GRIA4: variants seen among roughly 807,000 people sequenced by gnomAD.
The protein encoded by GRIA4 is glutamate ionotropic receptor AMPA type subunit 4.
A neutral mutation model predicts 104.0 loss-of-function variants in GRIA4; 34 were observed. The observed-to-expected ratio is 0.33, with a 90% CI of 0.25 to 0.44. GRIA4 has a LOEUF of 0.44. GRIA4 is among the 20% of genes least tolerant of loss of function. The pLI is 1.00. For synonymous variants in GRIA4, 386 were observed against 381.9 expected (o/e 1.01, Z -0.13); for missense variants, 750 against 1,096.5 (o/e 0.68, Z 4.46).
intron 3 of GRIA4, among the ~76,000 whole-genome samples, chr11:105,663,418 G>C (rs1952072509): frequency 6.6e-6 from 1 of 151,844 alleles, no homozygotes; most frequent in South Asian, 2.1e-4. Flanking sequence ...AGATAAGTAA[G>C]GCACAGTCAT....
intron 3 of GRIA4, among the ~76,000 whole-genome samples, chr11:105,625,190 A>G (rs1950855190): frequency 6.6e-6 from 1 of 152,092 alleles, no homozygotes; most frequent in Non-Finnish European, 1.5e-5. Context: ...TTAGACTGTG[A>G]CTTCCGTGAC....
intron 16 of GRIA4, 142 bp downstream of exon 16, chr11:105,974,586 G>C (rs369354479): frequency 5.4e-5 from 87 of 1,600,366 alleles, no homozygotes; most frequent in Non-Finnish European, 7.3e-5. Flanking sequence ...TACAGTGAGT[G>C]GGGGATGCAT....
intron 4 of GRIA4, among the ~76,000 whole-genome samples, chr11:105,806,251 G>A (rs1009067798): frequency 1.3e-5 from 2 of 151,762 alleles, no homozygotes; most frequent in African/African-American, 4.8e-5. Flanking sequence ...ATGGGAATAG[G>A]AGAACAAAAT....
chr11:105,817,969 T>C (rs1025885194), intron 4 of GRIA4, among the ~76,000 whole-genome samples: 21 of 151,774 alleles, frequency 1.4e-4, no homozygotes, highest in African/African-American at 4.8e-4. Flanking sequence ...AGAGCAGAGA[T>C]AAAAATGCTG....
At chr11:105,956,112 A>G (rs678702) in intron 14 of GRIA4, among the ~76,000 whole-genome samples, 152,106 of 152,310 alleles carry the variant, frequency 1, 75,951 homozygotes, top group Middle Eastern at 1. Context: ...CTGTGCAGAA[A>G]CTCTTTTTTT....
Position 105,847,151 on chromosome 11 carries a change from G to T in GRIA4, c.488-14873G>T, listed in dbSNP as rs191505398. ...GAAGACAATTTTTCCAGGAAAATTG[G>T]GGGGATGAAACTGTTCCACCTCAGA... On this transcript the variant is annotated intron_variant, in intron 4 of 16. Transcript: ENST00000282499. Among the ~76,000 whole-genome samples, 458 of 151,764 alleles carry T rather than the reference G, an allele frequency of 3.0e-3. 3 individuals carry two copies. Among genetic ancestry groups the T allele is most frequent in the African/African-American group, 0.01 (430 of 41,294 alleles).
chr11:105,718,768 C>A (rs947649472), intron 3 of GRIA4, among the ~76,000 whole-genome samples: 1 of 152,116 alleles, frequency 6.6e-6, no homozygotes, highest in Admixed American at 6.6e-5. Flanking sequence ...AGAGGGAATG[C>A]ACGCATGATT....
chr11:105,824,819 C>T (rs561637726), intron 4 of GRIA4: 2 of 152,122 alleles, frequency 1.3e-5, no homozygotes, highest in Non-Finnish European at 2.9e-5. Flanking sequence ...AATCTACAGC[C>T]GGAGATACTT....
chr11:105,701,367 T>TA (rs1297353205), intron 3 of GRIA4, among the ~76,000 whole-genome samples: 1 of 152,208 alleles, frequency 6.6e-6, no homozygotes, highest in African/African-American at 2.4e-5. Flanking sequence ...ATTAAGATGA[T>TA]ATGGGATAGG....
At chr11:105,742,028 C>T (rs1438249001) in intron 3 of GRIA4, among the ~76,000 whole-genome samples, 1 of 151,990 alleles carries the variant, frequency 6.6e-6, no homozygotes, top group Admixed American at 6.6e-5. Context: ...ATTCACTTTG[C>T]TTGTTGTGTT....
chr11:105,647,810 G>C (rs1016841486), intron 3 of GRIA4, among the ~76,000 whole-genome samples: 1 of 151,958 alleles, frequency 6.6e-6, no homozygotes, highest in Non-Finnish European at 1.5e-5. Flanking sequence ...CAGTGTAGGA[G>C]GAGGAAGAGG....
At chr11:105,846,875 T>C (rs1944615688) in intron 4 of GRIA4, among the ~76,000 whole-genome samples, 1 of 152,208 alleles carries the variant, frequency 6.6e-6, no homozygotes, top group African/African-American at 2.4e-5. Flanking sequence ...GCAAAGAGTC[T>C]CAATAAAAGT....
At chr11:105,827,971 A>G (rs1943837546) in intron 4 of GRIA4, among the ~76,000 whole-genome samples, 1 of 152,000 alleles carries the variant, frequency 6.6e-6, no homozygotes, top group South Asian at 2.1e-4. Context: ...ACCATGTGGC[A>G]AGCACTTTTT....
intron 3 of GRIA4, among the ~76,000 whole-genome samples, chr11:105,658,267 G>C (rs1201637499): frequency 2.0e-5 from 3 of 151,636 alleles, no homozygotes; most frequent in South Asian, 4.1e-4. Context: ...TGAGTTTGCT[G>C]CTTGCCATGA....
intron 4 of GRIA4, among the ~76,000 whole-genome samples, chr11:105,813,435 G>A (rs1187135833): frequency 6.6e-6 from 1 of 152,178 alleles, no homozygotes; most frequent in Non-Finnish European, 1.5e-5. Flanking sequence ...GGAGGAGACT[G>A]ATATACAGAC....
At chr11:105,941,740 A>G (rs1948184470) in intron 14 of GRIA4, among the ~76,000 whole-genome samples, 1 of 152,138 alleles carries the variant, frequency 6.6e-6, no homozygotes, top group South Asian at 2.1e-4. Flanking sequence ...TTCAAAGGCA[A>G]TATGAGAGTA....
At chr11:105,896,308 T>C (rs1448879917) in intron 6 of GRIA4, among the ~76,000 whole-genome samples, 2 of 152,146 alleles carry the variant, frequency 1.3e-5, no homozygotes, top group East Asian at 1.9e-4. Context: ...AAGTTCCTTA[T>C]AGATTCTAGA....
intron 3 of GRIA4, among the ~76,000 whole-genome samples, chr11:105,726,014 C>T (rs1357454822): frequency 6.6e-6 from 1 of 152,010 alleles, no homozygotes; most frequent in Admixed American, 6.6e-5. Flanking sequence ...TTTTCATACC[C>T]CAGTGGCACC....
chr11:105,916,133 G>A (rs963505636), intron 10 of GRIA4, among the ~76,000 whole-genome samples: 16 of 152,082 alleles, frequency 1.1e-4, no homozygotes, highest in African/African-American at 3.4e-4. Flanking sequence ...GCAGTGAGCC[G>A]AGATCGCACT....
Sources: gnomAD v4.1 joint callset for allele counts (sites outside exome capture counted in the v4.1 genomes callset) on GRCh38, gnomAD v4.1.1 for gene constraint, MANE v1.5 for transcripts, NCBI Gene and HGNC (gene_info 2026-07-23, HGNC 2026-07-21) for gene names.